The following KAZN variants were observed in gnomAD, a reference collection of about 807,000 sequenced individuals.
KAZN encodes the protein kazrin.
In KAZN, 40 loss-of-function variants were observed where a neutral mutation model predicts 87.4. The ratio of observed to expected loss-of-function variants is 0.46; its 90% CI spans 0.36 to 0.60. KAZN has a LOEUF of 0.60. Among genes scored for constraint, KAZN ranks in the 20% least tolerant of loss-of-function variants. KAZN has a pLI of 0.00. For synonymous variants in KAZN, 466 were observed against 458.3 expected, an observed-to-expected ratio of 1.02 and a Z score of -0.22; for missense variants, 898 against 1,073.9, an observed-to-expected ratio of 0.84 and a Z score of 2.29.
chr1:14,132,661 C>T (rs1421357692), intron 1 of KAZN, among the ~76,000 whole-genome samples: 1 of 151,932 alleles, frequency 6.6e-6, no homozygotes, highest in African/African-American at 2.4e-5. Flanking sequence ...CACTGTTGAG[C>T]CAAAACCTGC....
chr1:13,929,645 T>C (rs1186580209), intron 1 of KAZN, among the ~76,000 whole-genome samples: 1 of 152,100 alleles, frequency 6.6e-6, no homozygotes, highest in Non-Finnish European at 1.5e-5. Flanking sequence ...AGATAAAATA[T>C]GTGAACTAAT....
chr1:14,160,911 T>A (rs1222114804), intron 1 of KAZN, among the ~76,000 whole-genome samples: 1 of 152,236 alleles, frequency 6.6e-6, no homozygotes, highest in Non-Finnish European at 1.5e-5. Flanking sequence ...TCAGTGGAAA[T>A]AATTCGTTGC....
intron 1 of KAZN, among the ~76,000 whole-genome samples, chr1:14,156,917 T>G (rs1383819606): frequency 6.6e-6 from 1 of 151,822 alleles, no homozygotes; most frequent in Non-Finnish European, 1.5e-5. Flanking sequence ...TTTGTTTTTT[T>G]TTTTTTTTTC....
intron 2 of KAZN, among the ~76,000 whole-genome samples, chr1:14,438,017 C>G (rs886197341): frequency 6.6e-6 from 1 of 151,878 alleles, no homozygotes; most frequent in East Asian, 1.9e-4. Flanking sequence ...AGTTTTGCCT[C>G]CCTTTTGGGT....
intron 1 of KAZN, among the ~76,000 whole-genome samples, chr1:14,132,866 G>A (rs1053300650): frequency 4.6e-5 from 7 of 152,080 alleles, no homozygotes; most frequent in African/African-American, 9.7e-5. Flanking sequence ...AGGACTTTTC[G>A]TGGTGGTCCT....
intron 1 of KAZN, among the ~76,000 whole-genome samples, chr1:14,834,037 TTTG>T (rs1247881863): frequency 6.6e-6 from 1 of 151,824 alleles, no homozygotes; most frequent in East Asian, 1.9e-4. Context: ...ATATATATTT[TTTG>T]TTGTTGTTGT....
intron 1 of KAZN, among the ~76,000 whole-genome samples, chr1:14,828,515 C>T (rs1454998717): frequency 6.6e-6 from 1 of 152,152 alleles, no homozygotes; most frequent in East Asian, 1.9e-4. Flanking sequence ...TGATTCTCTG[C>T]TCAACGGAGT....
chr1:14,764,834 A>T (rs1246280441), intron 1 of KAZN, among the ~76,000 whole-genome samples: 4 of 152,080 alleles, frequency 2.6e-5, no homozygotes, highest in Non-Finnish European at 5.9e-5. Flanking sequence ...TGCCAGTAAA[A>T]CTGTGGGTGC....
intron 1 of KAZN, among the ~76,000 whole-genome samples, chr1:14,169,010 A>C (rs1337849466): frequency 1.3e-5 from 2 of 152,196 alleles, no homozygotes; most frequent in Admixed American, 1.3e-4. Flanking sequence ...TAAATAGCAG[A>C]GTTCATCTGT....
chr1:14,119,759 G>T (rs1644710628), intron 1 of KAZN, among the ~76,000 whole-genome samples: 1 of 152,126 alleles, frequency 6.6e-6, no homozygotes, highest in Non-Finnish European at 1.5e-5. Flanking sequence ...AGGACTCTCA[G>T]GCCAAATAAC....
At chr1:14,342,946 G>T (rs1198553574) in intron 2 of KAZN, among the ~76,000 whole-genome samples, 1 of 152,148 alleles carries the variant, frequency 6.6e-6, no homozygotes, top group Non-Finnish European at 1.5e-5. Flanking sequence ...TTTGAGACCA[G>T]CTTGGCCAAC....
intron 2 of KAZN, among the ~76,000 whole-genome samples, chr1:14,334,051 C>T (rs1325476925): frequency 6.6e-6 from 1 of 151,868 alleles, no homozygotes; most frequent in African/African-American, 2.4e-5. Flanking sequence ...AGGACTTTCA[C>T]TTTCCCCCTA....
chr1:14,808,965 A>T (rs1646317776), intron 1 of KAZN, among the ~76,000 whole-genome samples: 2 of 152,164 alleles, frequency 1.3e-5, no homozygotes. Flanking sequence ...TTTCCAAAGC[A>T]GGAAGGAAGG....
At chr1:14,500,153 C>T (rs1465135874) in intron 2 of KAZN, among the ~76,000 whole-genome samples, 3 of 152,090 alleles carry the variant, frequency 2.0e-5, no homozygotes, top group Admixed American at 2.0e-4. Flanking sequence ...AGTCATGATG[C>T]TACCCTGCCC....
At chr1:14,505,806 T>C (rs1304930586) in intron 2 of KAZN, among the ~76,000 whole-genome samples, 1 of 152,014 alleles carries the variant, frequency 6.6e-6, no homozygotes, top group Non-Finnish European at 1.5e-5. Flanking sequence ...AAACCCTGTC[T>C]CTACTAAAAT....
At chr1:14,119,020 T>C (rs545912499) in intron 1 of KAZN, among the ~76,000 whole-genome samples, 1 of 121,370 alleles carries the variant, frequency 8.2e-6, no homozygotes, top group South Asian at 2.7e-4. Flanking sequence ...AAGCCTGTCA[T>C]TGCAAAACAA....
intron 2 of KAZN, among the ~76,000 whole-genome samples, chr1:14,405,053 G>A (rs914125636): frequency 3.2e-4 from 49 of 152,146 alleles, no homozygotes; most frequent in African/African-American, 1.0e-3. Context: ...TGTGTGTGGT[G>A]GGGGGTAGGG....
chr1:14,259,404 A>T (rs1245779082), intron 2 of KAZN, among the ~76,000 whole-genome samples: 2 of 152,132 alleles, frequency 1.3e-5, no homozygotes, highest in African/African-American at 4.8e-5. Flanking sequence ...GCCATGGCAC[A>T]GAGACAAGCA....
At chr1:13,901,372 A>G (rs7541948) in intron 1 of KAZN, among the ~76,000 whole-genome samples, 25 of 152,134 alleles carry the variant, frequency 1.6e-4, no homozygotes, top group Non-Finnish European at 3.1e-4. Context: ...CGGAGGAAGC[A>G]GTTTAAGGTT....
Sources: gnomAD v4.1 joint callset for allele counts (sites outside exome capture counted in the v4.1 genomes callset) on GRCh38, gnomAD v4.1.1 for gene constraint, MANE v1.5 for transcripts, NCBI Gene and HGNC (gene_info 2026-07-23, HGNC 2026-07-21) for gene names.